The following MTHFD1 variants were observed in gnomAD, a reference collection of about 807,000 sequenced individuals.
MTHFD1 encodes the protein methylenetetrahydrofolate dehydrogenase, cyclohydrolase and formyltetrahydrofolate synthetase 1.
In MTHFD1, 44 loss-of-function variants were observed where a neutral mutation model predicts 110.3. The observed-to-expected ratio is 0.40, with a 90% CI of 0.31 to 0.51. The LOEUF (loss-of-function observed/expected upper bound fraction) is 0.51, where lower values mean the gene tolerates loss of function less well. Among genes scored for constraint, MTHFD1 ranks in the 20% least tolerant of loss-of-function variants. MTHFD1 has a pLI of 0.60. For synonymous variants in MTHFD1, 402 were observed against 428.8 expected (o/e 0.94, Z 0.77); for missense variants, 909 against 1,173.1 (o/e 0.77, Z 3.29).
At chr14:64,396,463 C>T (rs4902279) in intron 1 of MTHFD1, among the ~76,000 whole-genome samples, 135,556 of 147,824 alleles carry the variant, frequency 0.92, 62,538 homozygotes, top group Middle Eastern at 0.99. Context: ...GCGATCTCGG[C>T]TCACCGCAAC....
chr14:64,426,573 C>T (rs542463337), intron 11 of MTHFD1, among the ~76,000 whole-genome samples: 27 of 152,168 alleles, frequency 1.8e-4, no homozygotes, highest in Non-Finnish European at 2.5e-4. Context: ...CAAGTTCAAG[C>T]GGTTCTCCTG....
chr14:64,448,112 A>G (rs916917891), intron 22 of MTHFD1, 105 bp from the exon 23 acceptor site: 4 of 803,574 alleles, frequency 5.0e-6, no homozygotes, highest in Non-Finnish European at 8.6e-6. Context: ...CCTTGTCCTG[A>G]TAGTGAGTGG....
chr14:64,402,484 A>G (rs137905022), intron 2 of MTHFD1, among the ~76,000 whole-genome samples: 13 of 152,336 alleles, frequency 8.5e-5, no homozygotes, highest in African/African-American at 3.1e-4. Context: ...GTTTCACTTT[A>G]TTCATTTTTG....
intron 1 of MTHFD1, among the ~76,000 whole-genome samples, chr14:64,389,636 G>T (rs1372714423): frequency 6.6e-6 from 1 of 152,052 alleles, no homozygotes; most frequent in Non-Finnish European, 1.5e-5. Context: ...TTGAACCTGG[G>T]GGGCAGAGGT....
At position 64,442,090 on chromosome 14, in the gene MTHFD1, A is replaced by G; in HGVS notation, c.1921A>G (p.Asn641Asp). Residue 641 changes from asparagine to aspartate, a missense_variant, in exon 20 of 28, where the codon AAC (asparagine) becomes GAC (aspartate). By Grantham distance (23) the Asn-to-Asp change is conservative. This residue lies in a region of MTHFD1 where 482 missense variants were observed against 646.0 expected (regional missense o/e 0.75). Transcript: ENST00000652337. ...GTTTGTCCATGCTGGCCCGTTTGCC[A>G]ACATCGCACATGGCAATTCCTCCAT... ...PVFVHAGPFA[N>D]IAHGNSSIIA... The G allele has an allele frequency of 1.2e-6, 2 of 1,614,198 alleles. No individual in the cohort carries two copies. Among genetic ancestry groups the G allele is most frequent in the Non-Finnish European group, 8.5e-7 (1 of 1,180,036 alleles).
chr14:64,436,009 C>G (rs1048246394), intron 16 of MTHFD1, among the ~76,000 whole-genome samples: 2 of 152,132 alleles, frequency 1.3e-5, no homozygotes, highest in African/African-American at 4.8e-5. Context: ...TATGTTTAAT[C>G]ACTTCTTGAA....
At position 64,436,255 on chromosome 14, in the gene MTHFD1, C is replaced by T. The variant is rs554885291; in HGVS notation, c.1597+584C>T. Among the ~76,000 whole-genome samples the T allele has an allele frequency of 5.9e-5, 9 of 152,146 alleles. No homozygotes were observed. In the East Asian group the frequency reaches 9.7e-4, roughly 16 times the overall value. The stretch of plus-strand genomic sequence containing the variant: ...GACTACAGGCACCCGCCATCATGCC[C>T]GGCTAATTTTTTGTATTTTTAGTAG... On this transcript the variant is annotated intron_variant, in intron 16 of 27. Transcript: ENST00000652337.
chr14:64,403,866 TTAA>T (rs2077918179), intron 2 of MTHFD1, among the ~76,000 whole-genome samples: 1 of 152,242 alleles, frequency 6.6e-6, no homozygotes, highest in East Asian at 1.9e-4. Flanking sequence ...TTTAAGAAAA[TTAA>T]TAATGTATAT....
At position 64,435,554 on chromosome 14, in the gene MTHFD1, T is replaced by G; in HGVS notation, c.1495-15T>G. ...GTTTGTCTTATTTTATGTTTTCATT[T>G]TCCTACACTTTCAGAGACTAGGCAT... On this transcript the variant is annotated splice_polypyrimidine_tract_variant and intron_variant, in intron 15 of 27. Transcript: ENST00000652337. The G allele has an allele frequency of 6.6e-7, 1 of 1,518,478 alleles. No homozygotes were observed. The highest frequency in any genetic ancestry group is 9.1e-7 in the Non-Finnish European group (1 of 1,093,138). The allele number at this position is 1,518,478 out of a possible 1,614,324, so 94.1% of individuals were successfully genotyped here.
At chr14:64,399,954 T>G (rs980953765) in intron 1 of MTHFD1, among the ~76,000 whole-genome samples, 17 of 152,246 alleles carry the variant, frequency 1.1e-4, no homozygotes, top group African/African-American at 3.9e-4. Flanking sequence ...TTTTTATTCT[T>G]TGTAGAGATG....
intron 1 of MTHFD1, among the ~76,000 whole-genome samples, chr14:64,395,042 G>GGGT (rs1276972054): frequency 6.6e-6 from 1 of 152,074 alleles, no homozygotes; most frequent in African/African-American, 2.4e-5. Flanking sequence ...TTAGAATTAG[G>GGGT]GGTCTGCCTG....
chr14:64,388,524 G>C lies in MTHFD1; in HGVS notation c.41+56G>C, dbSNP rs377352757. On this transcript the variant is annotated intron_variant, in intron 1 of 27. Transcript: ENST00000652337. ...GGCTGTGGACGAGGGCTCTGAGGGT[G>C]TGCAGGTCCCCCGGACCCATTTTTT... is the stretch of plus-strand genomic sequence containing the variant. 3.1e-5 allele frequency: 48 copies of C among 1,545,132 alleles called. No homozygotes were observed. The African/African-American group carries it at 5.2e-4, about 17-fold the overall frequency.
intron 2 of MTHFD1, among the ~76,000 whole-genome samples, chr14:64,410,788 T>C (rs1004128537): frequency 6.6e-6 from 1 of 152,104 alleles, no homozygotes; most frequent in Admixed American, 6.6e-5. Context: ...AAATCCCACA[T>C]GTTTCTAGTA....
intron 12 of MTHFD1, among the ~76,000 whole-genome samples, chr14:64,427,987 A>C (rs543157434): frequency 3.9e-5 from 6 of 152,302 alleles, no homozygotes; most frequent in African/African-American, 1.4e-4. Flanking sequence ...GGCTTGGTCA[A>C]AGGCACCTGT....
In MTHFD1 at chr14:64,431,827, G is replaced by C. The variant is rs1596547641; in HGVS notation, c.1460G>C (p.Arg487Thr). ...NRLVPSVNGV[R>T]RFSDIQIRRL... Reference sequence around the variant, plus strand: ...TTGGTGCCATCAGTAAATGGAGTGAGAAGGTTCTCTGACATCCAAATCCGA... The same window carrying C: ...TTGGTGCCATCAGTAAATGGAGTGACAAGGTTCTCTGACATCCAAATCCGA... The change falls in exon 15 of 28, where the codon AGA becomes ACA. Residue 487 changes from arginine to threonine, a missense_variant. Arg to Thr is a moderately conservative substitution (Grantham distance 71). Coordinates refer to ENST00000652337, the MANE Select transcript of MTHFD1 (RefSeq NM_005956.4). The C allele has an allele frequency of 6.2e-7, 1 of 1,614,162 alleles. No homozygotes were observed. Among genetic ancestry groups the C allele is most frequent in the Non-Finnish European group, 8.5e-7 (1 of 1,180,022 alleles).
chr14:64,425,127 T>C (rs2078108660), intron 9 of MTHFD1, among the ~76,000 whole-genome samples, 196 bp downstream of exon 9: 1 of 151,914 alleles, frequency 6.6e-6, no homozygotes, highest in Admixed American at 6.6e-5. Flanking sequence ...AATTCCAGTC[T>C]GTTTTGGAAT....
chr14:64,449,522 C>G lies in MTHFD1; in HGVS notation c.2357C>G (p.Thr786Ser), dbSNP rs753615292. 7 of 1,614,086 alleles carry G rather than the reference C, an allele frequency of 4.3e-6. No homozygotes were observed. The highest frequency in any genetic ancestry group is 1.3e-5 in the African/African-American group (1 of 74,936). The change falls in exon 24 of 28, where the codon ACT becomes AGT. Residue 786 changes from threonine to serine, a missense_variant. Transcript: ENST00000652337. ...EHGAFDAVKCTHWAEGGKGAL... is the reference protein window; with the variant it reads ...EHGAFDAVKCSHWAEGGKGAL... Reference sequence around the variant, plus strand: ...GGGGCTTTTGATGCCGTGAAGTGCACTCACTGGGCAGAAGGGGGCAAGGGT... The same window carrying G: ...GGGGCTTTTGATGCCGTGAAGTGCAGTCACTGGGCAGAAGGGGGCAAGGGT...
chr14:64,459,158 C>T (rs1479549526), intron 27 of MTHFD1, among the ~76,000 whole-genome samples: 1 of 152,134 alleles, frequency 6.6e-6, no homozygotes, highest in Non-Finnish European at 1.5e-5. Context: ...TTCAGACGTG[C>T]AAGGGTTTGC....
At chr14:64,434,949 CT>C (rs374039248) in intron 15 of MTHFD1, among the ~76,000 whole-genome samples, 1,309 of 80,860 alleles carry the variant, frequency 0.016, 35 homozygotes, top group African/African-American at 0.053. Context: ...TCCCTCTTTT[CT>C]TTTTTTTTTT....
Sources: allele counts gnomAD v4.1 joint callset (sites outside exome capture counted in the v4.1 genomes callset), GRCh38; gene constraint gnomAD v4.1.1; regional missense constraint gnomAD v4.1.1; transcripts MANE v1.5; gene names NCBI Gene and HGNC (gene_info 2026-07-23, HGNC 2026-07-21).